SLC25A18: variants seen among roughly 807,000 people sequenced by gnomAD.
The protein encoded by SLC25A18 is solute carrier family 25 member 18, also known as mitochondrial glutamate carrier 2.
Under a neutral mutation model 31.1 loss-of-function variants are expected in SLC25A18, and 24 were observed. That is an observed-to-expected ratio of 0.77 (90% CI 0.56 to 1.08). The LOEUF is 1.08. Among genes scored for constraint, SLC25A18 ranks in the 50% least tolerant of loss-of-function variants. The pLI, the probability that SLC25A18 is intolerant of heterozygous loss-of-function variation, is 0.00. For synonymous variants in SLC25A18, 173 were observed against 161.9 expected (o/e 1.07, Z -0.52); for missense variants, 371 against 418.5 (o/e 0.89, Z 0.99).
chr22:17,587,052 G>A, intron 7 of SLC25A18, 84 bp from the exon 8 acceptor site: 1 of 1,473,540 alleles, frequency 6.8e-7, no homozygotes, highest in African/African-American at 1.4e-5. Context: ...ACTGTCCCAG[G>A]GGCAGGGATT....
chr22:17,590,249 G>A lies in SLC25A18; in HGVS notation c.*13G>A. ...GTGTTTTGACTAGACAGAGCTGGAG[G>A]TCAAGTCCCTGCGCTTGCCGCCCTC... On this transcript the variant is annotated 3_prime_UTR_variant, in exon 11 of 11. Coordinates refer to ENST00000327451, the MANE Select transcript of SLC25A18 (RefSeq NM_031481.3). 2 of 1,614,158 alleles carry A rather than the reference G, an allele frequency of 1.2e-6. No individual in the cohort carries two copies.
intron 2 of SLC25A18, among the ~76,000 whole-genome samples, chr22:17,576,033 C>CT (rs2057221380): frequency 6.6e-6 from 1 of 152,110 alleles, no homozygotes; most frequent in African/African-American, 2.4e-5. Flanking sequence ...CCAATACCCC[C>CT]TACACCCTCT....
rs1344865010 is a variant in SLC25A18, at chr22:17,587,945, T to C, written c.596T>C (p.Ile199Thr). Residue 199 changes from isoleucine (I) to threonine (T), a missense_variant, in exon 9 of 11, where the codon ATC becomes ACC. Ile to Thr is a moderately conservative substitution (Grantham distance 89). Transcript: ENST00000327451. ...TLLRDIPFSIIYFPLFANLNN... is the reference protein window; with the variant it reads ...TLLRDIPFSITYFPLFANLNN... ...TGCAGAGACATTCCTTTCTCCATCA[T>C]CTACTTCCCACTGTTTGCCAACCTT... 1 of 1,614,060 alleles carries C rather than the reference T, an allele frequency of 6.2e-7. No individual in the cohort carries two copies. The highest frequency in any genetic ancestry group is 8.5e-7 in the Non-Finnish European group (1 of 1,180,040).
At chr22:17,563,780 G>C in intron 1 of SLC25A18, 67 bp downstream of exon 1, 1 of 915,196 alleles carries the variant, frequency 1.1e-6, no homozygotes, top group Non-Finnish European at 1.3e-6. Flanking sequence ...ACCAAAAGGG[G>C]GAAAAATAGC....
At chr22:17,587,004 C>A in intron 7 of SLC25A18, 132 bp from the exon 8 acceptor site, 1 of 1,017,812 alleles carries the variant, frequency 9.8e-7, no homozygotes, top group Non-Finnish European at 1.4e-6. Flanking sequence ...TTAGGACATT[C>A]TTCTGGATGC....
chr22:17,589,733 A>C (rs2057664403), intron 10 of SLC25A18, 68 bp downstream of exon 10: 1 of 1,433,588 alleles, frequency 7.0e-7, no homozygotes, highest in African/African-American at 1.4e-5. Flanking sequence ...TGCCTAGACC[A>C]GATTTAGAGA....
intron 7 of SLC25A18, 115 bp downstream of exon 7, chr22:17,583,649 G>A: frequency 7.0e-7 from 1 of 1,428,080 alleles, no homozygotes; most frequent in Non-Finnish European, 9.3e-7. Context: ...TTTCCAAGCA[G>A]GTAGAAGTTT....
chr22:17,571,966 G>A (rs1309647383), intron 2 of SLC25A18, among the ~76,000 whole-genome samples: 2 of 151,824 alleles, frequency 1.3e-5, no homozygotes, highest in South Asian at 2.1e-4. Flanking sequence ...GCAGTGAACC[G>A]AGATCATGCC....
chr22:17,584,162 G>C (rs1057114188), intron 7 of SLC25A18: 9 of 743,336 alleles, frequency 1.2e-5, no homozygotes, highest in Non-Finnish European at 1.5e-5. Context: ...GGGAGGCCGA[G>C]GCGGGCGGAT....
intron 8 of SLC25A18, 90 bp from the exon 9 acceptor site, chr22:17,587,835 C>T (rs1569194445): frequency 1.4e-5 from 22 of 1,532,126 alleles, no homozygotes; most frequent in East Asian, 2.2e-5. Flanking sequence ...CACTGTAAGC[C>T]CCACAGCTCA....
rs2057409011 is a variant in SLC25A18, at chr22:17,582,565, G to A, written c.202G>A (p.Ala68Thr). The A allele has an allele frequency of 6.3e-7, 1 of 1,594,148 alleles. No individual in the cohort carries two copies. The highest frequency in any genetic ancestry group is 8.6e-7 in the Non-Finnish European group (1 of 1,169,044). Residue 68 changes from alanine (A) to threonine (T), a missense_variant and splice_region_variant, in exon 6 of 11, where the codon GCT (alanine) becomes ACT (threonine). Transcript: ENST00000327451. The part of the protein sequence containing the change: ...AEGFFGMYRG[A>T]AVNLTLVTPE... ...CCCATCTTGTCCTTCACTTCCAGGG[G>A]CTGCAGTGAACCTCACTCTGGTCAC... is the stretch of plus-strand genomic sequence containing the variant.
At position 17,569,842 on chromosome 22, in the gene SLC25A18, G is replaced by A. The variant is rs1010483960; in HGVS notation, c.-263-82G>A. 6.1e-6 allele frequency: 6 copies of A among 985,190 alleles called. No individual in the cohort carries two copies. The South Asian group carries it at 2.8e-4, about 46-fold the overall frequency. The allele number at this position is 985,190 out of a possible 1,614,324, so 61.0% of individuals were successfully genotyped here. A position where few individuals can be genotyped will look rare whatever the true frequency, so the allele number is the denominator to read the frequency against. On this transcript the variant is annotated intron_variant, in intron 1 of 10. Transcript: ENST00000327451. ...CTGGAACCCTGCAGTGGTGATGAGG[G>A]GGAGGCAGAGGGAGGGAAACTGACC...
intron 7 of SLC25A18, chr22:17,584,035 G>C: frequency 1.0e-6 from 1 of 983,706 alleles, no homozygotes; most frequent in Non-Finnish European, 1.2e-6. Flanking sequence ...TGATTCAGAG[G>C]GTCAGAAAAT....
chr22:17,565,758 T>G (rs1471016113), intron 1 of SLC25A18, among the ~76,000 whole-genome samples: 1 of 152,060 alleles, frequency 6.6e-6, no homozygotes, highest in Non-Finnish European at 1.5e-5. Flanking sequence ...TCCCAGCTTC[T>G]CCGGAGGCTG....
In SLC25A18 at chr22:17,578,959, C is replaced by T. The variant is rs1273706708; in HGVS notation, c.-200-786C>T. Among the ~76,000 whole-genome samples the T allele has an allele frequency of 2.0e-5, 3 of 152,170 alleles. No homozygotes were observed. The East Asian group carries it at 5.8e-4, about 29-fold the overall frequency. On this transcript the variant is annotated intron_variant, in intron 2 of 10. Coordinates refer to ENST00000327451, the MANE Select transcript of SLC25A18 (RefSeq NM_031481.3). ...CATAATTGTTGTAGCTTCCACTTGT[C>T]AATTAGGAATATAATGTAGTTTGGT...
chr22:17,581,468 A>T, intron 5 of SLC25A18, 55 bp downstream of exon 5: 6 of 1,591,554 alleles, frequency 3.8e-6, no homozygotes, highest in Non-Finnish European at 5.2e-6. Flanking sequence ...CGTATGGGAC[A>T]TGGGGAACTG....
At chr22:17,564,377 G>GCT (rs377504246) in intron 1 of SLC25A18, among the ~76,000 whole-genome samples, 8 of 152,152 alleles carry the variant, frequency 5.3e-5, no homozygotes, top group Non-Finnish European at 2.9e-5. Flanking sequence ...GAAGGGCCTA[G>GCT]CTCTCTCTTG....
chr22:17,573,918 C>T (rs1477195108), intron 2 of SLC25A18, among the ~76,000 whole-genome samples: 1 of 152,190 alleles, frequency 6.6e-6, no homozygotes, highest in Non-Finnish European at 1.5e-5. Flanking sequence ...TGTCCTCATA[C>T]TACATTCAAT....
chr22:17,564,168 A>G (rs2056874101), intron 1 of SLC25A18, among the ~76,000 whole-genome samples: 1 of 152,166 alleles, frequency 6.6e-6, no homozygotes, highest in African/African-American at 2.4e-5. Context: ...GATGCTAAAC[A>G]TTTCCCAAAG....
Sources: allele counts gnomAD v4.1 joint callset (sites outside exome capture counted in the v4.1 genomes callset), GRCh38; gene constraint gnomAD v4.1.1; transcripts MANE v1.5; gene names NCBI Gene and HGNC (gene_info 2026-07-23, HGNC 2026-07-21).